Variants in KDM4A observed in about 807,000 individuals in gnomAD.
The protein encoded by KDM4A is lysine-specific demethylase 4A.
Under a neutral mutation model 127.1 loss-of-function variants are expected in KDM4A, and 23 were observed. The ratio of observed to expected loss-of-function variants is 0.18; its 90% CI spans 0.13 to 0.26. The LOEUF is 0.26. KDM4A is among the 10% of genes least tolerant of loss of function. The probability of loss-of-function intolerance (pLI) is 1.00; values close to 1 mark genes in which losing one functional copy is unlikely to be tolerated. For synonymous variants in KDM4A, 443 were observed against 466.5 expected (o/e 0.95, Z 0.65); for missense variants, 890 against 1,329.1 (o/e 0.67, Z 5.14).
At position 43,653,140 on chromosome 1, in the gene KDM4A, CCTGT is replaced by C. The variant is rs1660158097; in HGVS notation, c.-32_-29del. The C allele has an allele frequency of 6.4e-7, 1 of 1,566,630 alleles. No individual in the cohort carries two copies. The highest frequency in any genetic ancestry group is 1.2e-5 in the South Asian group (1 of 84,806). The stretch of plus-strand genomic sequence containing the variant: ...TACTCTTAATGTGTTTCTTCAGATT[CCTGT>C]CTGACTAAAGGGACCTCAAAAAGGA... On this transcript the variant is annotated 5_prime_UTR_variant, in exon 2 of 22. Coordinates refer to ENST00000372396, the MANE Select transcript of KDM4A (RefSeq NM_014663.3).
intron 13 of KDM4A, chr1:43,690,556 C>A: frequency 2.2e-6 from 1 of 463,798 alleles, no homozygotes; most frequent in Non-Finnish European, 4.0e-6. Context: ...CCTCTCAGTG[C>A]ATTTTATTAA....
chr1:43,654,881 C>T (rs1235312108), intron 2 of KDM4A, among the ~76,000 whole-genome samples: 1 of 150,076 alleles, frequency 6.7e-6, no homozygotes, highest in South Asian at 2.1e-4. Context: ...GATGGAGTTT[C>T]GCTCTTGTTA....
intron 15 of KDM4A, 123 bp downstream of exon 15, chr1:43,691,695 C>A: frequency 1.2e-6 from 1 of 806,622 alleles, no homozygotes; most frequent in Non-Finnish European, 2.1e-6. Context: ...GCGGTGATGT[C>A]AGAGAGCGAG....
intron 12 of KDM4A, 130 bp downstream of exon 12, chr1:43,683,934 A>C: frequency 9.9e-7 from 1 of 1,013,726 alleles, no homozygotes; most frequent in Non-Finnish European, 1.4e-6. Context: ...CAGATATTCC[A>C]TAAAGAGAGG....
chr1:43,652,742 C>T (rs1344473420), intron 1 of KDM4A, among the ~76,000 whole-genome samples: 2 of 144,814 alleles, frequency 1.4e-5, no homozygotes, highest in Admixed American at 1.4e-4. Context: ...AGTGCGATGG[C>T]GCAATCTTGG....
chr1:43,654,238 C>T (rs1382733504), intron 2 of KDM4A, among the ~76,000 whole-genome samples: 5 of 152,148 alleles, frequency 3.3e-5, no homozygotes, highest in Non-Finnish European at 5.9e-5. Flanking sequence ...AAAAAAATGT[C>T]GGTTATTACA....
intron 19 of KDM4A, chr1:43,702,643 T>C (rs950423193): frequency 1.3e-5 from 2 of 152,214 alleles, no homozygotes; most frequent in Non-Finnish European, 2.9e-5. Flanking sequence ...CGATGAGGAC[T>C]TGGGGTACTT....
At chr1:43,660,724 A>G (rs1660354897) in intron 4 of KDM4A, among the ~76,000 whole-genome samples, 1 of 152,222 alleles carries the variant, frequency 6.6e-6, no homozygotes, top group South Asian at 2.1e-4. Context: ...GAAATGAGGC[A>G]GTGTGGTTTC....
At chr1:43,651,042 CTG>C (rs1264252857) in intron 1 of KDM4A, among the ~76,000 whole-genome samples, 1 of 152,206 alleles carries the variant, frequency 6.6e-6, no homozygotes, top group Non-Finnish European at 1.5e-5. Flanking sequence ...ATTGCCTACT[CTG>C]TGCCATGCAT....
intron 19 of KDM4A, among the ~76,000 whole-genome samples, chr1:43,701,225 A>G (rs190574312): frequency 1.6e-3 from 245 of 152,054 alleles, no homozygotes; most frequent in Non-Finnish European, 3.0e-3. Flanking sequence ...GGCCATAAAT[A>G]TTTTAAAAAT....
chr1:43,681,724 G>T (rs1238616812), intron 11 of KDM4A, among the ~76,000 whole-genome samples: 1 of 152,112 alleles, frequency 6.6e-6, no homozygotes, highest in Non-Finnish European at 1.5e-5. Flanking sequence ...GGGCAGGTCG[G>T]GGGGAAACAA....
intron 1 of KDM4A, chr1:43,650,540 C>T (rs1053980947): frequency 5.9e-5 from 9 of 152,304 alleles, no homozygotes; most frequent in African/African-American, 2.2e-4. Flanking sequence ...AGGGGCCGAA[C>T]CTGTGCGCGG....
chr1:43,676,059 C>T lies in KDM4A; in HGVS notation c.1734+4184C>T, dbSNP rs184466559. ...TCACACCACTGCACTCCAGTCTGGG[C>T]AAAAGAGTGAAACTTTACCTCAAAA... is the stretch of plus-strand genomic sequence containing the variant. On this transcript the variant is annotated intron_variant, in intron 11 of 21. Transcript: ENST00000372396. Among the ~76,000 whole-genome samples, 683 of 116,776 alleles carry T rather than the reference C, an allele frequency of 5.8e-3. 7 individuals are homozygous for T. The highest frequency in any genetic ancestry group is 0.023 in the South Asian group (85 of 3,660). 76.6% of individuals were successfully genotyped at this position (116,776 alleles called of 152,430 possible). A position where few individuals can be genotyped will look rare whatever the true frequency, so the allele number is the denominator to read the frequency against.
At chr1:43,674,011 G>T (rs1442312810) in intron 11 of KDM4A, among the ~76,000 whole-genome samples, 1 of 152,112 alleles carries the variant, frequency 6.6e-6, no homozygotes, top group East Asian at 1.9e-4. Context: ...GCACAGTCTT[G>T]GCTCACTGCA....
Position 43,701,016 on chromosome 1 carries a change from G to A in KDM4A, c.2842-2601G>A, listed in dbSNP as rs540435724. Among the ~76,000 whole-genome samples the A allele has an allele frequency of 4.6e-5, 7 of 151,264 alleles. No homozygotes were observed. The South Asian group carries it at 6.3e-4, about 14-fold the overall frequency. ...TGGCTCACTGCAACCTCCACCTACC[G>A]GGTTCAAGCGATTCTCCTGCCTCAG... On this transcript the variant is annotated intron_variant, in intron 19 of 21. Transcript: ENST00000372396.
intron 9 of KDM4A, among the ~76,000 whole-genome samples, chr1:43,668,239 C>T (rs888793868): frequency 1.3e-4 from 20 of 152,272 alleles, no homozygotes; most frequent in Non-Finnish European, 7.4e-5. Flanking sequence ...CATTCTTCTG[C>T]CTCAGCCTCC....
intron 18 of KDM4A, among the ~76,000 whole-genome samples, chr1:43,696,033 G>A (rs1661231861): frequency 6.6e-6 from 1 of 152,218 alleles, no homozygotes; most frequent in Non-Finnish European, 1.5e-5. Flanking sequence ...GCATTCTGGA[G>A]AGTAACTGTG....
At chr1:43,691,468 A>C in intron 14 of KDM4A, 28 bp from the exon 15 acceptor site, 4 of 1,585,500 alleles carry the variant, frequency 2.5e-6, no homozygotes, top group African/African-American at 1.3e-5. Context: ...CACTGGGTTT[A>C]ATTTGCTCAT....
In KDM4A at chr1:43,697,855, G is replaced by A. The variant is rs753989880; in HGVS notation, c.2683G>A (p.Ala895Thr). 8.7e-6 allele frequency: 14 copies of A among 1,612,512 alleles called. No individual in the cohort carries two copies. Among genetic ancestry groups the A allele is most frequent in the South Asian group, 5.5e-5 (5 of 90,948 alleles). ...KIPNLERAKG[A>T]LQSITAGQKV... ...TGTTTTTTTCCAGCGTGCCAAGGGG[G>A]CCTTGCAAAGCATCACTGCAGGCCA... The change falls in exon 19 of 22, where the codon GCC (alanine) becomes ACC (threonine). Residue 895 changes from alanine to threonine, a missense_variant. Around this residue, in one of 7 missense-constraint regions of KDM4A, gnomAD observed 246 missense variants for 418.4 expected, o/e 0.59. Coordinates refer to ENST00000372396, the MANE Select transcript of KDM4A (RefSeq NM_014663.3).
Sources: allele counts gnomAD v4.1 joint callset (sites outside exome capture counted in the v4.1 genomes callset), GRCh38; gene constraint gnomAD v4.1.1; regional missense constraint gnomAD v4.1.1; transcripts MANE v1.5; gene names NCBI Gene and HGNC (gene_info 2026-07-23, HGNC 2026-07-21).